The following EARS2 variants were observed in gnomAD, a reference collection of about 807,000 sequenced individuals.
EARS2 encodes the protein glutamyl-tRNA synthetase 2, mitochondrial, also known as nondiscriminating glutamyl-tRNA synthetase EARS2, mitochondrial.
Under a neutral mutation model 54.1 loss-of-function variants are expected in EARS2, and 50 were observed. The observed-to-expected ratio is 0.92, with a 90% CI of 0.74 to 1.17. EARS2 has a LOEUF of 1.17. Ranked by LOEUF, EARS2 falls within the 50% of genes most tolerant of loss-of-function variation. The pLI, the probability that EARS2 is intolerant of heterozygous loss-of-function variation, is 0.00. For synonymous variants in EARS2, 298 were observed against 281.0 expected (o/e 1.06, Z -0.61); for missense variants, 673 against 675.0 (o/e 1.00, Z 0.03).
intron 2 of EARS2, 54 bp from the exon 3 acceptor site, chr16:23,544,757 C>T: frequency 6.8e-7 from 1 of 1,467,460 alleles, no homozygotes; most frequent in Admixed American, 2.2e-5. Flanking sequence ...CGTTCTCAGG[C>T]ATTGCTCTAA....
chr16:23,556,143 A>G (rs965021493), intron 1 of EARS2, among the ~76,000 whole-genome samples: 1 of 152,134 alleles, frequency 6.6e-6, no homozygotes, highest in East Asian at 1.9e-4. Context: ...ATTTTACTAC[A>G]AAGATCTTTG....
In EARS2 at chr16:23,524,236, A is replaced by T; in HGVS notation, c.*135T>A. 1.3e-6 allele frequency: 1 copy of T among 761,210 alleles called. No homozygotes were observed. Among genetic ancestry groups the T allele is most frequent in the Non-Finnish European group, 2.3e-6 (1 of 436,630 alleles). 47.2% of individuals were successfully genotyped at this position (761,210 alleles called of 1,614,324 possible). On this transcript the variant is annotated 3_prime_UTR_variant, in exon 9 of 9. Coordinates refer to ENST00000449606, the MANE Select transcript of EARS2 (RefSeq NM_001083614.2). ...GTGGATCACAAATGCACTTGTGTGC[A>T]GTCAGAGATTGTTTCCACTCTTAGT...
intron 4 of EARS2, 33 bp from the exon 5 acceptor site, chr16:23,532,798 CCT>C (rs1965349445): frequency 6.8e-7 from 1 of 1,472,376 alleles, no homozygotes; most frequent in Non-Finnish European, 9.5e-7. Context: ...CACTCAGCTT[CCT>C]CTCTCCCTTC....
chr16:23,547,224 G>A (rs1289167986), intron 2 of EARS2, among the ~76,000 whole-genome samples: 1 of 152,166 alleles, frequency 6.6e-6, no homozygotes, highest in Non-Finnish European at 1.5e-5. Flanking sequence ...ATGCGCTTAT[G>A]GTAAGTGAAG....
chr16:23,527,741 G>T (rs2142162479), intron 7 of EARS2, among the ~76,000 whole-genome samples: 1 of 152,166 alleles, frequency 6.6e-6, no homozygotes, highest in Non-Finnish European at 1.5e-5. Context: ...TTTTAGTAGA[G>T]ACGGGGTTTC....
In EARS2 at chr16:23,524,242, A is replaced by G. The variant is rs1965186538; in HGVS notation, c.*129T>C. Reference sequence around the variant, plus strand: ...CACAAATGCACTTGTGTGCAGTCAGAGATTGTTTCCACTCTTAGTTCCTTC... The same window carrying G: ...CACAAATGCACTTGTGTGCAGTCAGGGATTGTTTCCACTCTTAGTTCCTTC... On this transcript the variant is annotated 3_prime_UTR_variant, in exon 9 of 9. Coordinates refer to ENST00000449606, the MANE Select transcript of EARS2 (RefSeq NM_001083614.2). 1 of 784,940 alleles carries G rather than the reference A, an allele frequency of 1.3e-6. No individual in the cohort carries two copies. Among genetic ancestry groups the G allele is most frequent in the Non-Finnish European group, 2.2e-6 (1 of 453,182 alleles). 48.6% of individuals were successfully genotyped at this position (784,940 alleles called of 1,614,324 possible).
chr16:23,525,064 C>A, intron 8 of EARS2, 180 bp downstream of exon 8: 1 of 752,064 alleles, frequency 1.3e-6, no homozygotes. Context: ...CTGTACCTAA[C>A]ACAATGCTTG....
chr16:23,528,499 A>G (rs908285892), intron 7 of EARS2, among the ~76,000 whole-genome samples: 11 of 152,208 alleles, frequency 7.2e-5, no homozygotes, highest in African/African-American at 2.7e-4. Flanking sequence ...GCTCCTGAAC[A>G]TTTGGGTATC....
At chr16:23,540,224 A>G (rs1965490564) in intron 3 of EARS2, among the ~76,000 whole-genome samples, 1 of 152,132 alleles carries the variant, frequency 6.6e-6, no homozygotes, top group Admixed American at 6.6e-5. Context: ...TGAGAGGCTG[A>G]GGATGTAGGA....
intron 4 of EARS2, 51 bp downstream of exon 4, chr16:23,534,837 C>G: frequency 6.8e-7 from 1 of 1,469,504 alleles, no homozygotes; most frequent in Non-Finnish European, 9.1e-7. Flanking sequence ...CAAAGCCCTG[C>G]TCCTCCTGGC....
chr16:23,524,193 G>C lies in EARS2; in HGVS notation c.*178C>G, dbSNP rs1282875475. Reference sequence around the variant, plus strand: ...ATGGGTTGGGCTTCCCCAGCCAATTGACAAAAACGTGCCTGTGGTGGATCA... The same window carrying C: ...ATGGGTTGGGCTTCCCCAGCCAATTCACAAAAACGTGCCTGTGGTGGATCA... On this transcript the variant is annotated 3_prime_UTR_variant, in exon 9 of 9. Coordinates refer to ENST00000449606, the MANE Select transcript of EARS2 (RefSeq NM_001083614.2). 1 of 649,514 alleles carries C rather than the reference G, an allele frequency of 1.5e-6. No homozygotes were observed. The highest frequency in any genetic ancestry group is 2.7e-6 in the Non-Finnish European group (1 of 365,468). 40.2% of individuals were successfully genotyped at this position (649,514 alleles called of 1,614,324 possible).
chr16:23,555,361 A>G (rs896257678), intron 1 of EARS2, among the ~76,000 whole-genome samples: 1 of 152,110 alleles, frequency 6.6e-6, no homozygotes, highest in Non-Finnish European at 1.5e-5. Flanking sequence ...GTGGTCACAC[A>G]CTTGTAGTCC....
At chr16:23,557,104 G>T in intron 1 of EARS2, 101 bp downstream of exon 1, 1 of 1,450,632 alleles carries the variant, frequency 6.9e-7, no homozygotes, top group South Asian at 1.4e-5. Context: ...TCCTCCGCCC[G>T]CCCACTCTGA....
chr16:23,537,595 A>T (rs1456484757), intron 3 of EARS2: 1 of 152,138 alleles, frequency 6.6e-6, no homozygotes, highest in African/African-American at 2.4e-5. Context: ...GACAGGGGAC[A>T]AGGTCTCACT....
At chr16:23,531,268 CT>C (rs879532899) in intron 5 of EARS2, among the ~76,000 whole-genome samples, 7 of 146,442 alleles carry the variant, frequency 4.8e-5, no homozygotes, top group Admixed American at 6.8e-5. Flanking sequence ...TAGTTTCTTT[CT>C]TTTTTTTTTG....
chr16:23,532,114 A>G (rs1965337249), intron 5 of EARS2, among the ~76,000 whole-genome samples: 1 of 152,158 alleles, frequency 6.6e-6, no homozygotes, highest in African/African-American at 2.4e-5. Flanking sequence ...CACCCAGCCG[A>G]CACTAATACC....
chr16:23,529,338 C>T (rs990465524), intron 7 of EARS2, among the ~76,000 whole-genome samples, 164 bp downstream of exon 7: 1 of 152,160 alleles, frequency 6.6e-6, no homozygotes, highest in Non-Finnish European at 1.5e-5. Context: ...CCGGGTTCTC[C>T]GGGTAAGCCC....
intron 7 of EARS2, 107 bp from the exon 8 acceptor site, chr16:23,525,486 C>A: frequency 2.4e-6 from 3 of 1,266,006 alleles, no homozygotes; most frequent in Middle Eastern, 2.6e-4. Flanking sequence ...GCAGCACAAC[C>A]AATGTTCAAG....
At chr16:23,547,797 A>G (rs1965628563) in intron 2 of EARS2, among the ~76,000 whole-genome samples, 1 of 151,932 alleles carries the variant, frequency 6.6e-6, no homozygotes, top group Non-Finnish European at 1.5e-5. Context: ...CCTTGCTTAT[A>G]TGTCATTATT....
Sources: allele counts gnomAD v4.1 joint callset (sites outside exome capture counted in the v4.1 genomes callset), GRCh38; gene constraint gnomAD v4.1.1; transcripts MANE v1.5; gene names NCBI Gene and HGNC (gene_info 2026-07-23, HGNC 2026-07-21).